SYDE1: variants seen among roughly 807,000 people sequenced by gnomAD.
SYDE1 encodes rho GTPase-activating protein SYDE1.
SYDE1 carries 34 observed loss-of-function variants against 63.3 expected under a neutral mutation model. That is an observed-to-expected ratio of 0.54 (90% CI 0.41 to 0.71). SYDE1 has a LOEUF of 0.71. Ranked by LOEUF, SYDE1 falls within the 30% of genes least tolerant of loss-of-function variation. The probability of loss-of-function intolerance (pLI) is 0.00; values close to 1 mark genes in which losing one functional copy is unlikely to be tolerated. For synonymous variants in SYDE1, 467 were observed against 473.4 expected, an observed-to-expected ratio of 0.99 and a Z score of 0.18; for missense variants, 925 against 1,042.5, an observed-to-expected ratio of 0.89 and a Z score of 1.55.
In SYDE1 at chr19:15,114,021, G is replaced by C. The variant is rs555601394; in HGVS notation, c.*58G>C. The C allele has an allele frequency of 2.0e-6, 3 of 1,521,558 alleles. No individual in the cohort carries two copies. The Admixed American group carries it at 5.7e-5, about 29-fold the overall frequency. The allele number at this position is 1,521,558 out of a possible 1,614,324, so 94.3% of individuals were successfully genotyped here. On this transcript the variant is annotated 3_prime_UTR_variant, in exon 8 of 8. Coordinates refer to ENST00000342784, the MANE Select transcript of SYDE1 (RefSeq NM_033025.6). ...GGACCGGGCGCCCAGTGGCTAAGGC[G>C]GTGCCCTGGTGACCAAGGAGAGCCA...
chr19:15,110,553 G>A lies in SYDE1; in HGVS notation c.1108G>A (p.Glu370Lys). The change falls in exon 4 of 8, where the codon GAG becomes AAG. Residue 370 changes from glutamate (E) to lysine (K), a missense_variant. Coordinates refer to ENST00000342784, the MANE Select transcript of SYDE1 (RefSeq NM_033025.6). The surrounding 1 kb of genome is among the most constrained non-coding windows in gnomAD (Gnocchi z 6.9). Reference protein sequence around the residue: ...CQAQQLAVRLEPQGLLYAKLT... With the variant: ...CQAQQLAVRLKPQGLLYAKLT... ...GGCCCAACAGCTGGCCGTGCGCCTG[G>A]AGCCTCAGGGGCTGCTGTATGCCAA... 1.3e-6 allele frequency: 2 copies of A among 1,595,988 alleles called. No individual in the cohort carries two copies. The highest frequency in any genetic ancestry group is 1.7e-6 in the Non-Finnish European group (2 of 1,173,948).
Position 15,111,480 on chromosome 19 carries a change from C to T in SYDE1, c.1417+41C>T. The T allele has an allele frequency of 6.2e-7, 1 of 1,609,782 alleles. No individual in the cohort carries two copies. The highest frequency in any genetic ancestry group is 1.1e-5 in the South Asian group (1 of 90,684). ...TCTCCCCTGCCTGCTCACCCCCATT[C>T]AATGCCTCACTTCAAGGCCTTGGGG... On this transcript the variant is annotated intron_variant, in intron 5 of 7. Coordinates refer to ENST00000342784, the MANE Select transcript of SYDE1 (RefSeq NM_033025.6). This position sits in a 1 kb window ranked among gnomAD's most constrained non-coding sequence, Gnocchi z 5.5.
chr19:15,113,486 G>A, intron 7 of SYDE1, 74 bp from the exon 8 acceptor site: 1 of 1,479,380 alleles, frequency 6.8e-7, no homozygotes. Flanking sequence ...GGCCAATCAG[G>A]AGCCTAGTTC....
rs565941164 is a variant in SYDE1, at chr19:15,109,724, C to A, written c.451C>A (p.Pro151Thr). ...CACAGGTGCAGCCCCCGCCAGCCCC[C>A]CAACCAAAGCCTCCCGCACCAAGTC... Reference protein sequence around the residue: ...APQGAAPASPPTKASRTKSPG... With the variant: ...APQGAAPASPTTKASRTKSPG... Residue 151 changes from proline to threonine, a missense_variant, in exon 3 of 8, where the codon CCA becomes ACA. Coordinates refer to ENST00000342784, the MANE Select transcript of SYDE1 (RefSeq NM_033025.6). This position sits in a 1 kb window ranked among gnomAD's most constrained non-coding sequence, Gnocchi z 5.0. 2 of 1,521,756 alleles carry A rather than the reference C, an allele frequency of 1.3e-6. No homozygotes were observed. Among genetic ancestry groups the A allele is most frequent in the African/African-American group, 1.4e-5 (1 of 71,970 alleles). 94.3% of individuals were successfully genotyped at this position (1,521,756 alleles called of 1,614,324 possible).
chr19:15,113,250 G>A (rs944730192), intron 7 of SYDE1, among the ~76,000 whole-genome samples: 1 of 152,072 alleles, frequency 6.6e-6, no homozygotes, highest in South Asian at 2.1e-4. Flanking sequence ...GTGTTGGCCA[G>A]GCTGGTCTTG....
In SYDE1 at chr19:15,113,840, C is replaced by T. The variant is rs756511076; in HGVS notation, c.2085C>T (p.Val695=). ...ACGAGGAGGTCGGCGAGCCGAGGGT[C>T]ACCGGTGACTTCGAAGACGACTTCG... is the stretch of plus-strand genomic sequence containing the variant. The part of the protein sequence containing the change: ...DEDEEVGEPR[V]TGDFEDDFDA... Residue 695 remains valine, a synonymous_variant, in exon 8 of 8, where the codon GTC becomes GTT. Transcript: ENST00000342784. 2 of 1,614,216 alleles carry T rather than the reference C, an allele frequency of 1.2e-6. No homozygotes were observed. The highest frequency in any genetic ancestry group is 4.5e-5 in the East Asian group (2 of 44,882).
Position 15,111,617 on chromosome 19 carries a change from A to G in SYDE1, c.1418-15A>G, listed in dbSNP as rs2040858. The G allele has an allele frequency of 0.26, 411,600 of 1,612,280 alleles. 54,551 individuals are homozygous for G. Among genetic ancestry groups the G allele is most frequent in the South Asian group, 0.37 (33,638 of 91,020 alleles). ...GCCAGTGGTGCCCTGACCAGAGGGG[A>G]CCCTGTGTTCACAGGCATCCTCAAG... On this transcript the variant is annotated splice_polypyrimidine_tract_variant and intron_variant, in intron 5 of 7. Transcript: ENST00000342784. This position sits in a 1 kb window ranked among gnomAD's most constrained non-coding sequence, Gnocchi z 5.5.
At position 15,111,196 on chromosome 19, in the gene SYDE1, C is replaced by A; in HGVS notation, c.1291-117C>A. 1 of 1,195,798 alleles carries A rather than the reference C, an allele frequency of 8.4e-7. No homozygotes were observed. The highest frequency in any genetic ancestry group is 1.2e-6 in the Non-Finnish European group (1 of 834,474). 74.1% of individuals were successfully genotyped at this position (1,195,798 alleles called of 1,614,324 possible). A position where few individuals can be genotyped will look rare whatever the true frequency, so the allele number is the denominator to read the frequency against. On this transcript the variant is annotated intron_variant, in intron 4 of 7. Transcript: ENST00000342784. This position sits in a 1 kb window ranked among gnomAD's most constrained non-coding sequence, Gnocchi z 5.5. ...GCCAGGTTGTCAAGGTAGTTCCAAC[C>A]TCCCAGCCCACAATGCCCATTGCTG...
In SYDE1 at chr19:15,108,828, TC is replaced by T. The variant is rs1317088667; in HGVS notation, c.89-224del. On this transcript the variant is annotated intron_variant, in intron 1 of 7. Transcript: ENST00000342784. The surrounding 1 kb of genome is among the most constrained non-coding windows in gnomAD (Gnocchi z 4.3). Reference sequence around the variant, plus strand: ...GAACCCTGAGGCTGCAGGGATGGAGTCCCCTTTTGGGATGCCAGGGACTGAG... The same window carrying T: ...GAACCCTGAGGCTGCAGGGATGGAGTCCCTTTTGGGATGCCAGGGACTGAG... 5.7e-6 allele frequency: 3 copies of T among 523,602 alleles called. No individual in the cohort carries two copies. Among genetic ancestry groups the T allele is most frequent in the African/African-American group, 4.0e-5 (2 of 50,594 alleles). 32.4% of individuals were successfully genotyped at this position (523,602 alleles called of 1,614,324 possible).
intron 7 of SYDE1, 135 bp from the exon 8 acceptor site, chr19:15,113,425 G>C (rs1412913196): frequency 1.0e-5 from 11 of 1,061,244 alleles, no homozygotes; most frequent in African/African-American, 3.2e-5. Context: ...TAAGCAACCA[G>C]TCCTAGCTCT....
At chr19:15,113,517 T>A in intron 7 of SYDE1, 43 bp from the exon 8 acceptor site, 8 of 1,501,278 alleles carry the variant, frequency 5.3e-6, no homozygotes, top group Non-Finnish European at 7.1e-6. Flanking sequence ...CAATCAGAGG[T>A]CGGCTGTCGC....
At chr19:15,107,616 A>AG in intron 1 of SYDE1, 95 bp downstream of exon 1, 1 of 702,872 alleles carries the variant, frequency 1.4e-6, no homozygotes, top group African/African-American at 2.0e-5. Context: ...GGGGGGGATC[A>AG]GGGGGAGCCC....
intron 6 of SYDE1, 81 bp from the exon 7 acceptor site, chr19:15,112,265 T>C: frequency 2.2e-6 from 2 of 925,424 alleles, no homozygotes; most frequent in Non-Finnish European, 3.3e-6. Context: ...GCTTCCCTAC[T>C]CTAGCCACCT....
In SYDE1 at chr19:15,114,775, ACACGTCTGAAGCAGGC is replaced by A; in HGVS notation, c.*813_*828del. On this transcript the variant is annotated 3_prime_UTR_variant, in exon 8 of 8. Transcript: ENST00000342784. ...TGTCTGTGAGGACTGGTGTGCGTGGACACGTCTGAAGCAGGCGTGTGGGGCTCTTTCAGGGACCACA... is the reference window on the plus strand; with the variant it reads ...TGTCTGTGAGGACTGGTGTGCGTGGAGTGTGGGGCTCTTTCAGGGACCACA... 4.3e-6 allele frequency: 1 copy of A among 234,652 alleles called. No homozygotes were observed. The highest frequency in any genetic ancestry group is 8.5e-6 in the Non-Finnish European group (1 of 117,456). The allele number at this position is 234,652 out of a possible 1,614,324, so 14.5% of individuals were successfully genotyped here. A position where few individuals can be genotyped will look rare whatever the true frequency, so the allele number is the denominator to read the frequency against.
chr19:15,109,345 GC>G lies in SYDE1; in HGVS notation c.383del (p.Pro128ArgfsTer41). 1 of 1,596,116 alleles carries G rather than the reference GC, an allele frequency of 6.3e-7. No homozygotes were observed. The highest frequency in any genetic ancestry group is 8.5e-7 in the Non-Finnish European group (1 of 1,170,054). On this transcript the variant is annotated frameshift_variant, in exon 2 of 8. Coordinates refer to ENST00000342784, the MANE Select transcript of SYDE1 (RefSeq NM_033025.6). LOFTEE classifies it high-confidence loss of function. The surrounding 1 kb of genome is among the most constrained non-coding windows in gnomAD (Gnocchi z 5.0). ...EEDPRPPAPE[P>X]PGPQPGSAES... ...AAGACCCCAGACCTCCAGCACCTGA[GC>G]CCCCGGGGCCACAGCCTGGCTCAGC...
chr19:15,107,476 G>T lies in SYDE1; in HGVS notation c.43G>T (p.Gly15Cys). ...CAGGAAAACCTTCTCCCGCCTGCGG[G>T]GCCGGGAGAAACTTCCCCGGAAAAA... ...LLRKTFSRLR[G>C]REKLPRKKSD... is the part of the protein sequence containing the mutation. The change falls in exon 1 of 8, where the codon GGC becomes TGC. Residue 15 changes from glycine to cysteine, a missense_variant. Around this residue, in one of 3 missense-constraint regions of SYDE1, gnomAD observed 599 missense variants for 653.7 expected, o/e 0.92. Transcript: ENST00000342784. The T allele has an allele frequency of 6.5e-7, 1 of 1,540,500 alleles. No homozygotes were observed. The highest frequency in any genetic ancestry group is 8.8e-7 in the Non-Finnish European group (1 of 1,140,228).
Position 15,110,574 on chromosome 19 carries a change from G to A in SYDE1, c.1129G>A (p.Ala377Thr), listed in dbSNP as rs1465411676. 4.4e-6 allele frequency: 7 copies of A among 1,598,808 alleles called. No individual in the cohort carries two copies. Among genetic ancestry groups the A allele is most frequent in the South Asian group, 2.2e-5 (2 of 88,930 alleles). The change falls in exon 4 of 8, where the codon GCC (alanine) becomes ACC (threonine). Residue 377 changes from alanine (A) to threonine (T), a missense_variant. Coordinates refer to ENST00000342784, the MANE Select transcript of SYDE1 (RefSeq NM_033025.6). This position sits in a 1 kb window ranked among gnomAD's most constrained non-coding sequence, Gnocchi z 6.9. ...CCTGGAGCCTCAGGGGCTGCTGTATGCCAAGCTGACCCTGTCGGAGCAGCA... is the reference window on the plus strand; with the variant it reads ...CCTGGAGCCTCAGGGGCTGCTGTATACCAAGCTGACCCTGTCGGAGCAGCA... ...VRLEPQGLLYAKLTLSEQQEA... is the reference protein window; with the variant it reads ...VRLEPQGLLYTKLTLSEQQEA...
chr19:15,109,724 C>G lies in SYDE1; in HGVS notation c.451C>G (p.Pro151Ala), dbSNP rs565941164. The G allele has an allele frequency of 1.6e-4, 247 of 1,521,872 alleles. No individual in the cohort carries two copies. The highest frequency in any genetic ancestry group is 1.2e-3 in the Middle Eastern group (6 of 5,008). 94.3% of individuals were successfully genotyped at this position (1,521,872 alleles called of 1,614,324 possible). Residue 151 changes from proline (P) to alanine (A), a missense_variant, in exon 3 of 8, where the codon CCA becomes GCA. By Grantham distance (27) the Pro-to-Ala change is conservative. This residue lies in a region of SYDE1 where 599 missense variants were observed against 653.7 expected (regional missense o/e 0.92). Coordinates refer to ENST00000342784, the MANE Select transcript of SYDE1 (RefSeq NM_033025.6). This position sits in a 1 kb window ranked among gnomAD's most constrained non-coding sequence, Gnocchi z 5.0. ...APQGAAPASP[P>A]TKASRTKSPG... ...CACAGGTGCAGCCCCCGCCAGCCCC[C>G]CAACCAAAGCCTCCCGCACCAAGTC... is the stretch of plus-strand genomic sequence containing the variant.
chr19:15,107,717 G>A (rs2046316487), intron 1 of SYDE1, among the ~76,000 whole-genome samples, 196 bp downstream of exon 1: 1 of 151,124 alleles, frequency 6.6e-6, no homozygotes, highest in Non-Finnish European at 1.5e-5. Context: ...GGCGCGGACC[G>A]TTATGTGCTG....
Sources: allele counts gnomAD v4.1 joint callset (sites outside exome capture counted in the v4.1 genomes callset), GRCh38; gene constraint gnomAD v4.1.1; regional missense constraint gnomAD v4.1.1; non-coding constraint Gnocchi (gnomAD v3.1); transcripts MANE v1.5; gene names NCBI Gene and HGNC (gene_info 2026-07-23, HGNC 2026-07-21).